Variants in SPIDR observed in about 807,000 individuals in gnomAD.
SPIDR encodes the protein DNA repair-scaffolding protein.
SPIDR carries 93 observed loss-of-function variants against 104.6 expected under a neutral mutation model. That is an observed-to-expected ratio of 0.89 (90% CI 0.75 to 1.06). SPIDR has a LOEUF of 1.06. Among genes scored for constraint, SPIDR ranks in the 50% least tolerant of loss-of-function variants. The pLI is 0.00. For missense variants in SPIDR, 1,154 were observed against 1,111.2 expected (o/e 1.04, Z -0.55); for synonymous variants, 431 against 416.9 (o/e 1.03, Z -0.41).
At chr8:47,409,460 C>G (rs1483162476) in intron 7 of SPIDR, among the ~76,000 whole-genome samples, 2 of 152,162 alleles carry the variant, frequency 1.3e-5, no homozygotes, top group Non-Finnish European at 2.9e-5. Flanking sequence ...TTCCCTCCAT[C>G]TAGAGTAGGG....
At chr8:47,640,588 T>A (rs2068701162) in intron 10 of SPIDR, among the ~76,000 whole-genome samples, 1 of 152,210 alleles carries the variant, frequency 6.6e-6, no homozygotes, top group East Asian at 1.9e-4. Context: ...GTCCAAATAT[T>A]TTTATATGTA....
At chr8:47,720,836 C>A (rs1404589554) in intron 16 of SPIDR, among the ~76,000 whole-genome samples, 2 of 152,006 alleles carry the variant, frequency 1.3e-5, no homozygotes, top group East Asian at 3.9e-4. Context: ...TGGCTCACTG[C>A]AACTTCCACC....
At chr8:47,499,681 A>G (rs2080051447) in intron 8 of SPIDR, among the ~76,000 whole-genome samples, 1 of 152,074 alleles carries the variant, frequency 6.6e-6, no homozygotes, top group African/African-American at 2.4e-5. Flanking sequence ...GTACATGTGC[A>G]CAACGTGCAG....
At chr8:47,344,791 C>A (rs2051528643) in intron 5 of SPIDR, among the ~76,000 whole-genome samples, 1 of 152,162 alleles carries the variant, frequency 6.6e-6, no homozygotes, top group Non-Finnish European at 1.5e-5. Context: ...TGTTCATGTC[C>A]TTTGCCCACT....
rs1361968159 is a variant in SPIDR at position 47,702,081 on chromosome 8, TCTCTCTCTCTCTCTCTTACA to T, written c.1977+68_1977+87del. ...CTCTCTCTCTCTCTCTCTCTCTCTC[TCTCTCTCTCTCTCTCTTACA>T]CACACACACACACACACACACACAC... is the stretch of plus-strand genomic sequence containing the variant. On this transcript the variant is annotated intron_variant, in intron 14 of 19. Coordinates refer to ENST00000297423, the MANE Select transcript of SPIDR (RefSeq NM_001080394.4). The T allele has an allele frequency of 2.8e-4, 107 of 378,642 alleles. 1 individual carries two copies. Among genetic ancestry groups the T allele is most frequent in the South Asian group, 5.5e-4 (12 of 21,756 alleles). 23.5% of individuals were successfully genotyped at this position (378,642 alleles called of 1,614,324 possible).
chr8:47,341,609 CT>C (rs1424570640), intron 5 of SPIDR, among the ~76,000 whole-genome samples: 2 of 151,598 alleles, frequency 1.3e-5, no homozygotes, highest in Admixed American at 1.3e-4. Context: ...CAAAACAGAA[CT>C]TTTTTTTCCC....
intron 8 of SPIDR, among the ~76,000 whole-genome samples, chr8:47,490,219 T>C (rs2078446386): frequency 1.3e-5 from 2 of 152,200 alleles, no homozygotes; most frequent in South Asian, 4.1e-4. Flanking sequence ...GGGGAAGACA[T>C]TTATGCAGTC....
intron 5 of SPIDR, among the ~76,000 whole-genome samples, chr8:47,357,355 A>G (rs2054757465): frequency 6.6e-6 from 1 of 152,146 alleles, no homozygotes. Flanking sequence ...TACCTGTCAG[A>G]ACTCGCTCTG....
intron 5 of SPIDR, among the ~76,000 whole-genome samples, chr8:47,375,699 CAG>C (rs1554641986): frequency 1.3e-5 from 2 of 152,076 alleles, no homozygotes; most frequent in African/African-American, 4.8e-5. Flanking sequence ...TTCCTGGGCT[CAG>C]GGGATCTCCC....
intron 8 of SPIDR, among the ~76,000 whole-genome samples, chr8:47,454,125 G>A (rs2072463275): frequency 1.3e-5 from 2 of 152,162 alleles, no homozygotes; most frequent in African/African-American, 4.8e-5. Flanking sequence ...TCCCATTACT[G>A]GGTATATACC....
chr8:47,641,678 G>A (rs1002535731), intron 10 of SPIDR, among the ~76,000 whole-genome samples: 3 of 152,114 alleles, frequency 2.0e-5, no homozygotes, highest in South Asian at 2.1e-4. Flanking sequence ...GGGCTCCCCT[G>A]CAGCCTCTCA....
At chr8:47,403,191 T>G (rs1448245850) in intron 6 of SPIDR, among the ~76,000 whole-genome samples, 1 of 152,128 alleles carries the variant, frequency 6.6e-6, no homozygotes, top group African/African-American at 2.4e-5. Context: ...ATTAGGTATA[T>G]ATCGGACATA....
At chr8:47,344,160 A>C (rs1212669067) in intron 5 of SPIDR, among the ~76,000 whole-genome samples, 1 of 131,594 alleles carries the variant, frequency 7.6e-6, no homozygotes. Context: ...GATATTCCCC[A>C]CGCTGTGTCC....
intron 10 of SPIDR, among the ~76,000 whole-genome samples, chr8:47,653,166 C>T (rs1399809294): frequency 6.6e-6 from 1 of 152,168 alleles, no homozygotes; most frequent in African/African-American, 2.4e-5. Flanking sequence ...AGAACCCTGC[C>T]TCTGAAAGCC....
chr8:47,484,281 T>C (rs1237063486), intron 8 of SPIDR, among the ~76,000 whole-genome samples: 1 of 152,260 alleles, frequency 6.6e-6, no homozygotes, highest in African/African-American at 2.4e-5. Flanking sequence ...GAGCGTTCAC[T>C]TGTCTTTTAA....
intron 8 of SPIDR, among the ~76,000 whole-genome samples, chr8:47,477,349 G>A (rs1298948867): frequency 4.6e-5 from 7 of 152,046 alleles, no homozygotes; most frequent in Admixed American, 6.6e-5. Context: ...GGCGCTTGGC[G>A]ACCACGCCCA....
At chr8:47,377,834 C>T (rs2058844708) in intron 5 of SPIDR, among the ~76,000 whole-genome samples, 1 of 152,166 alleles carries the variant, frequency 6.6e-6, no homozygotes, top group African/African-American at 2.4e-5. Flanking sequence ...TAATTCATTC[C>T]CAAGCTCTCC....
intron 8 of SPIDR, among the ~76,000 whole-genome samples, chr8:47,594,281 G>A (rs1473437422): frequency 6.6e-6 from 1 of 151,942 alleles, no homozygotes; most frequent in African/African-American, 2.4e-5. Context: ...AGGCTGAGGT[G>A]GGAGAATCAC....
intron 6 of SPIDR, among the ~76,000 whole-genome samples, chr8:47,398,842 G>T (rs1358265503): frequency 6.6e-6 from 1 of 152,140 alleles, no homozygotes; most frequent in Non-Finnish European, 1.5e-5. Context: ...ACTGCTGAGG[G>T]AGGAGCCAAA....
Sources: gnomAD v4.1 joint callset for allele counts (sites outside exome capture counted in the v4.1 genomes callset) on GRCh38, gnomAD v4.1.1 for gene constraint, MANE v1.5 for transcripts, NCBI Gene and HGNC (gene_info 2026-07-23, HGNC 2026-07-21) for gene names.